CAST: variants seen among roughly 807,000 people sequenced by gnomAD.
CAST encodes calpastatin, also known as MIR583 host.
In CAST, 76 loss-of-function variants were observed where a neutral mutation model predicts 119.6. The ratio of observed to expected loss-of-function variants is 0.64; its 90% CI spans 0.53 to 0.77. The LOEUF is 0.77. Among genes scored for constraint, CAST ranks in the 30% least tolerant of loss-of-function variants. CAST has a pLI of 0.00. For missense variants in CAST, 953 were observed against 946.5 expected (o/e 1.01, Z -0.09); for synonymous variants, 319 against 331.6 (o/e 0.96, Z 0.41).
intron 1 of CAST, among the ~76,000 whole-genome samples, chr5:96,531,827 C>T (rs570763389): frequency 6.6e-6 from 1 of 151,938 alleles, no homozygotes; most frequent in African/African-American, 2.4e-5. Context: ...AAAAAGGAAC[C>T]CTCAAAGCCT....
At chr5:96,262,960 G>A in the CAST span, among the ~76,000 whole-genome samples, 1 of 152,100 alleles carries the variant, frequency 6.6e-6, no homozygotes. Flanking sequence ...TACACTTACA[G>A]CCCCTTCTCC....
At chr5:96,391,146 G>T in the CAST span, 5 of 152,134 alleles carry the variant, frequency 3.3e-5, no homozygotes, top group African/African-American at 1.2e-4. Flanking sequence ...AACTTCCAAG[G>T]ACAGAGTGAT....
chr5:96,690,115 T>C (rs1229694289), intron 2 of CAST, among the ~76,000 whole-genome samples: 5 of 152,142 alleles, frequency 3.3e-5, no homozygotes, highest in African/African-American at 1.2e-4. Context: ...ACACGGAAAC[T>C]GAGTAATCAG....
At chr5:96,423,632 A>C in the CAST span, among the ~76,000 whole-genome samples, 2 of 152,152 alleles carry the variant, frequency 1.3e-5, no homozygotes, top group African/African-American at 4.8e-5. Context: ...GGCCAAATGA[A>C]CCCCCAGAGT....
the CAST span, among the ~76,000 whole-genome samples, chr5:96,301,478 A>G: frequency 1.3e-5 from 2 of 152,254 alleles, no homozygotes; most frequent in East Asian, 1.9e-4. Context: ...TATTAACCCA[A>G]AAGTCCAAGT....
At chr5:96,598,752 G>A (rs1747096196) in intron 1 of CAST, among the ~76,000 whole-genome samples, 1 of 152,174 alleles carries the variant, frequency 6.6e-6, no homozygotes, top group Admixed American at 6.5e-5. Context: ...AGTAGACGGA[G>A]TAAAGCACAT....
chr5:96,034,509 ATG>A, the CAST span, among the ~76,000 whole-genome samples: 83,905 of 129,996 alleles, frequency 0.65, 27,362 homozygotes, highest in South Asian at 0.72. Flanking sequence ...ACACACACAT[ATG>A]TGTGTGTGTA....
the CAST span, among the ~76,000 whole-genome samples, chr5:96,298,879 A>AGTGAGTGTGTGT: frequency 6.7e-6 from 1 of 149,588 alleles, no homozygotes; most frequent in African/African-American, 2.5e-5. Flanking sequence ...AAATTAGGAG[A>AGTGAGTGTGTGT]GTGTGTGTGT....
the CAST span, among the ~76,000 whole-genome samples, chr5:96,385,092 A>C: frequency 6.6e-6 from 1 of 152,222 alleles, no homozygotes; most frequent in Non-Finnish European, 1.5e-5. Context: ...ATACTCCTAG[A>C]GTCAATGTGC....
the CAST span, among the ~76,000 whole-genome samples, chr5:96,333,601 C>T: frequency 6.6e-6 from 1 of 152,290 alleles, no homozygotes; most frequent in African/African-American, 2.4e-5. Flanking sequence ...AAAGCTGAAG[C>T]TCCTTCTTCC....
At chr5:96,015,498 A>G in the CAST span, among the ~76,000 whole-genome samples, 1 of 151,942 alleles carries the variant, frequency 6.6e-6, no homozygotes, top group Non-Finnish European at 1.5e-5. Context: ...TTTTGGTACA[A>G]TTTTTTTTAA....
At chr5:96,381,449 T>C in the CAST span, among the ~76,000 whole-genome samples, 1 of 152,200 alleles carries the variant, frequency 6.6e-6, no homozygotes, top group Non-Finnish European at 1.5e-5. Context: ...AAATTATTCT[T>C]GGATAATTTT....
the CAST span, among the ~76,000 whole-genome samples, chr5:96,428,954 TTAGA>T: frequency 2.5e-4 from 38 of 152,090 alleles, no homozygotes; most frequent in Non-Finnish European, 1.5e-4. Flanking sequence ...AAAATTAACT[TTAGA>T]TATATATGTA....
At chr5:96,364,367 C>A in the CAST span, among the ~76,000 whole-genome samples, 1 of 152,132 alleles carries the variant, frequency 6.6e-6, no homozygotes, top group Admixed American at 6.5e-5. Context: ...AGGGAGGATT[C>A]CCTCTTTTTG....
At chr5:96,165,264 G>T in the CAST span, among the ~76,000 whole-genome samples, 1 of 152,104 alleles carries the variant, frequency 6.6e-6, no homozygotes, top group African/African-American at 2.4e-5. Flanking sequence ...GGATAGAGCT[G>T]GAGCCTTAGC....
At chr5:96,507,528 C>T in the CAST span, among the ~76,000 whole-genome samples, 18 of 152,194 alleles carry the variant, frequency 1.2e-4, no homozygotes, top group African/African-American at 1.7e-4. Flanking sequence ...GAATAGTTTT[C>T]GCTGAATGAA....
At chr5:96,028,276 T>C in the CAST span, among the ~76,000 whole-genome samples, 1 of 151,878 alleles carries the variant, frequency 6.6e-6, no homozygotes, top group Non-Finnish European at 1.5e-5. Flanking sequence ...ATTCAAGAAA[T>C]AAAAGTAAAT....
At chr5:96,167,645 A>C in the CAST span, among the ~76,000 whole-genome samples, 1 of 152,204 alleles carries the variant, frequency 6.6e-6, no homozygotes, top group Non-Finnish European at 1.5e-5. Flanking sequence ...TTGACTAATA[A>C]AGGTTGGTCC....
chr5:96,425,391 C>T, the CAST span, among the ~76,000 whole-genome samples: 7 of 152,184 alleles, frequency 4.6e-5, no homozygotes, highest in African/African-American at 1.7e-4. Flanking sequence ...CAGAGATTCT[C>T]ATCTGTGTCA....
Sources: gnomAD v4.1 joint callset for allele counts (sites outside exome capture counted in the v4.1 genomes callset) on GRCh38, gnomAD v4.1.1 for gene constraint, MANE v1.5 for transcripts, NCBI Gene and HGNC (gene_info 2026-07-23, HGNC 2026-07-21) for gene names.